The following SPOCD1 variants were observed in gnomAD, a reference collection of about 807,000 sequenced individuals.
The protein encoded by SPOCD1 is SPOC domain containing 1.
Under a neutral mutation model 92.2 loss-of-function variants are expected in SPOCD1, and 64 were observed. That is an observed-to-expected ratio of 0.69 (90% CI 0.57 to 0.86). The LOEUF (loss-of-function observed/expected upper bound fraction) is 0.86. Ranked by LOEUF, SPOCD1 falls within the 40% of genes least tolerant of loss-of-function variation. SPOCD1 has a pLI of 0.00. For missense variants in SPOCD1, 1,360 were observed against 1,543.1 expected (o/e 0.88, Z 1.99); for synonymous variants, 578 against 619.3 (o/e 0.93, Z 0.99).
chr1:31,807,425 GAA>G (rs1648907424), intron 2 of SPOCD1, among the ~76,000 whole-genome samples: 1 of 32,134 alleles, frequency 3.1e-5, no homozygotes, highest in Non-Finnish European at 6.1e-5. Context: ...GAGGGGGAGG[GAA>G]GAGAAGGGGA....
chr1:31,790,424 C>A lies in SPOCD1; in HGVS notation c.*179G>T. On this transcript the variant is annotated 3_prime_UTR_variant, in exon 16 of 16. Coordinates refer to ENST00000360482, the MANE Select transcript of SPOCD1 (RefSeq NM_144569.7). ...TCCTGACCAGCTAGCAGATGCAATC[C>A]CAATTTTACCAAATTCTTTATTGAA... is the stretch of plus-strand genomic sequence containing the variant. The A allele has an allele frequency of 1.5e-6, 1 of 653,714 alleles. No individual in the cohort carries two copies. Among genetic ancestry groups the A allele is most frequent in the Admixed American group, 3.0e-5 (1 of 33,264 alleles). The allele number at this position is 653,714 out of a possible 1,614,324, so 40.5% of individuals were successfully genotyped here. A position where few individuals can be genotyped will look rare whatever the true frequency, so the allele number is the denominator to read the frequency against.
At chr1:31,793,202 GA>G (rs957433984) in intron 13 of SPOCD1, 75 bp downstream of exon 13, 56 of 1,469,446 alleles carry the variant, frequency 3.8e-5, no homozygotes, top group Non-Finnish European at 3.7e-6. Flanking sequence ...ATGCATGAGT[GA>G]AAGAGAGAGA....
chr1:31,798,907 TGGCTCACG>T lies in SPOCD1; in HGVS notation c.1869-314_1869-307del. Reference sequence around the variant, plus strand: ...GACTCACCAGCCTGTGCCCCGTCTCTGGCTCACGGGATGTGTGGAGGGGAGGAAGCCGG... The same window carrying T: ...GACTCACCAGCCTGTGCCCCGTCTCTGGATGTGTGGAGGGGAGGAAGCCGG... On this transcript the variant is annotated intron_variant, in intron 7 of 15. Transcript: ENST00000360482. The surrounding 1 kb of genome is among the most constrained non-coding windows in gnomAD (Gnocchi z 4.1). The T allele has an allele frequency of 1.8e-6, 1 of 565,378 alleles. No homozygotes were observed. The highest frequency in any genetic ancestry group is 3.1e-6 in the Non-Finnish European group (1 of 320,442). 35.0% of individuals were successfully genotyped at this position (565,378 alleles called of 1,614,324 possible).
In SPOCD1 at chr1:31,815,342, A is replaced by G. The variant is rs1649494835; in HGVS notation, c.-9T>C. On this transcript the variant is annotated 5_prime_UTR_variant, in exon 2 of 16. Transcript: ENST00000360482. The stretch of plus-strand genomic sequence containing the variant: ...TCCCCCGCCTGGGACATGTCTGTCC[A>G]CCTACCTGGGCCAAAAGCACAACAC... 6.6e-7 allele frequency: 1 copy of G among 1,524,538 alleles called. No homozygotes were observed. Among genetic ancestry groups the G allele is most frequent in the African/African-American group, 1.4e-5 (1 of 72,198 alleles). 94.4% of individuals were successfully genotyped at this position (1,524,538 alleles called of 1,614,324 possible).
At chr1:31,796,208 T>C (rs1648006131) in intron 10 of SPOCD1, 2 of 351,372 alleles carry the variant, frequency 5.7e-6, no homozygotes, top group South Asian at 4.5e-5. Context: ...ATCCACTGAA[T>C]ACAGTGGGTC....
Position 31,793,315 on chromosome 1 carries a change from G to A in SPOCD1, c.2648C>T (p.Ala883Val), listed in dbSNP as rs1230664646. The change falls in exon 13 of 16, where the codon GCC becomes GTC. Residue 883 changes from alanine (A) to valine (V), a missense_variant. Physicochemically the swap from Ala to Val is moderately conservative, Grantham distance 64. Transcript: ENST00000360482. Reference protein sequence around the residue: ...MFSIKRFRARAQLVSGHSCRL... With the variant: ...MFSIKRFRARVQLVSGHSCRL... The stretch of plus-strand genomic sequence containing the variant: ...ACAGCTGTGTCCCGAGACCAGCTGG[G>A]CCCTGGCCCGGAACCGCTTGATGGA... 8 of 1,592,190 alleles carry A rather than the reference G, an allele frequency of 5.0e-6. No individual in the cohort carries two copies. Among genetic ancestry groups the A allele is most frequent in the Non-Finnish European group, 6.8e-6 (8 of 1,169,370 alleles).
At position 31,814,529 on chromosome 1, in the gene SPOCD1, C is replaced by T; in HGVS notation, c.805G>A (p.Gly269Arg). 1 of 1,534,006 alleles carries T rather than the reference C, an allele frequency of 6.5e-7. No individual in the cohort carries two copies. The highest frequency in any genetic ancestry group is 8.8e-7 in the Non-Finnish European group (1 of 1,138,610). Reference sequence around the variant, plus strand: ...CCTGCCCCACTTCCACCTGGCTCTCCAGGCCCAGACCCAGTGTCTTTTGGA... The same window carrying T: ...CCTGCCCCACTTCCACCTGGCTCTCTAGGCCCAGACCCAGTGTCTTTTGGA... ...PSPKDTGSGP[G>R]EPGGSGAGCA... The change falls in exon 2 of 16, where the codon GGA becomes AGA. Residue 269 changes from glycine (G) to arginine (R), a missense_variant. This residue lies in a region of SPOCD1 where 606 missense variants were observed against 601.5 expected (regional missense o/e 1.01). Coordinates refer to ENST00000360482, the MANE Select transcript of SPOCD1 (RefSeq NM_144569.7). This position sits in a 1 kb window ranked among gnomAD's most constrained non-coding sequence, Gnocchi z 4.2.
rs190953341 is a variant in SPOCD1 at position 31,803,822 on chromosome 1, A to G, written c.1384-2117T>C. On this transcript the variant is annotated intron_variant, in intron 2 of 15. Coordinates refer to ENST00000360482, the MANE Select transcript of SPOCD1 (RefSeq NM_144569.7). ...AAGGGAAAGGAAAGGAAAGGAGAAG[A>G]AGGAGGAGGAGGAGGGAAAGAAAGA... Among the ~76,000 whole-genome samples, 553 of 150,884 alleles carry G rather than the reference A, an allele frequency of 3.7e-3. 4 individuals carry two copies. The highest frequency in any genetic ancestry group is 0.013 in the African/African-American group (533 of 41,096).
At chr1:31,799,916 C>G in intron 5 of SPOCD1, 53 bp from the exon 6 acceptor site, 3 of 1,613,722 alleles carry the variant, frequency 1.9e-6, no homozygotes, top group Non-Finnish European at 2.5e-6. Context: ...TGGCTTCCAG[C>G]CCAGGGGACA....
In SPOCD1 at chr1:31,812,831, C is replaced by G. The variant is rs111507933; in HGVS notation, c.1383+1120G>C. On this transcript the variant is annotated intron_variant, in intron 2 of 15. Transcript: ENST00000360482. ...GACCGCCTAGGCTTGTAGCCTTGCT[C>G]CCATTCACCAGCTGGGTCTGTAACC... 2.8e-3 allele frequency among the ~76,000 whole-genome samples: 421 copies of G among 152,338 alleles called. 3 individuals carry two copies. Among genetic ancestry groups the G allele is most frequent in the South Asian group, 0.024 (118 of 4,826 alleles).
At position 31,798,218 on chromosome 1, in the gene SPOCD1, C is replaced by T. The variant is rs377148747; in HGVS notation, c.2134G>A (p.Glu712Lys). 2.0e-5 allele frequency: 33 copies of T among 1,613,904 alleles called. No individual in the cohort carries two copies. Among genetic ancestry groups the T allele is most frequent in the Non-Finnish European group, 2.6e-5 (31 of 1,179,948 alleles). ...GGCTCAGCACTCACCCTTTTCTCCT[C>T]CTGGTCCCGCCAGCGGGCCAGCTCC... The part of the protein sequence containing the change: ...PQELARWRDQ[E>K]EKRGLNIIEQ... Residue 712 changes from glutamate to lysine, a missense_variant, in exon 9 of 16, where the codon GAG becomes AAG. Around this residue, in one of 3 missense-constraint regions of SPOCD1, gnomAD observed 614 missense variants for 757.8 expected, o/e 0.81. Transcript: ENST00000360482. This position sits in a 1 kb window ranked among gnomAD's most constrained non-coding sequence, Gnocchi z 4.1.
At chr1:31,813,926 T>G in intron 2 of SPOCD1, 25 bp downstream of exon 2, 3 of 1,468,786 alleles carry the variant, frequency 2.0e-6, no homozygotes, top group Non-Finnish European at 1.8e-6. Context: ...GCCCTTCCTA[T>G]CCCAAACTCT....
In SPOCD1 at chr1:31,815,975, G is replaced by C. The variant is rs2124005467; in HGVS notation, c.-54C>G. 1 of 152,484 alleles carries C rather than the reference G, an allele frequency of 6.6e-6. No individual in the cohort carries two copies. Among genetic ancestry groups the C allele is most frequent in the Non-Finnish European group, 1.5e-5 (1 of 68,144 alleles). The allele number at this position is 152,484 out of a possible 1,614,324, so 9.4% of individuals were successfully genotyped here. On this transcript the variant is annotated 5_prime_UTR_variant, in exon 1 of 16. Transcript: ENST00000360482. ...GTCGCTCTCACCTGGGCTTCCCTGA[G>C]TTTTCCCTCCTGGGGTTCCACCCAC...
intron 9 of SPOCD1, among the ~76,000 whole-genome samples, chr1:31,796,987 C>A (rs1249241249): frequency 1.3e-5 from 2 of 152,204 alleles, no homozygotes; most frequent in Non-Finnish European, 2.9e-5. Flanking sequence ...CTGACGGTAC[C>A]TCATCCTTTT....
chr1:31,813,696 A>G (rs749390846), intron 2 of SPOCD1, among the ~76,000 whole-genome samples: 2 of 152,204 alleles, frequency 1.3e-5, no homozygotes, highest in African/African-American at 2.4e-5. Context: ...TCAGCTAGGA[A>G]GTGGGCAGAG....
rs1364721648 is a variant in SPOCD1 at position 31,793,782 on chromosome 1, T to A, written c.2499A>T (p.Lys833Asn). ...GTTCCGTGGGAGACAACTCCCTGGT[T>A]TTGGGCATCTCTGGAGCAGGCATAG... is the stretch of plus-strand genomic sequence containing the variant. ...QTPMPAPEMP[K>N]TRELSPTEPQ... The change falls in exon 12 of 16, where the codon AAA becomes AAT. Residue 833 changes from lysine to asparagine, a missense_variant. Around this residue, in one of 3 missense-constraint regions of SPOCD1, gnomAD observed 614 missense variants for 757.8 expected, o/e 0.81. Coordinates refer to ENST00000360482, the MANE Select transcript of SPOCD1 (RefSeq NM_144569.7). The A allele has an allele frequency of 3.1e-6, 5 of 1,614,050 alleles. No individual in the cohort carries two copies. Among genetic ancestry groups the A allele is most frequent in the Non-Finnish European group, 4.2e-6 (5 of 1,180,020 alleles).
At chr1:31,802,220 T>A (rs538208367) in intron 2 of SPOCD1, among the ~76,000 whole-genome samples, 2 of 152,206 alleles carry the variant, frequency 1.3e-5, no homozygotes, top group Non-Finnish European at 2.9e-5. Context: ...CACTTCATAC[T>A]ACGAATTCTA....
Position 31,814,263 on chromosome 1 carries a change from T to C in SPOCD1, c.1071A>G (p.Pro357=). The C allele has an allele frequency of 6.3e-7, 1 of 1,583,974 alleles. No homozygotes were observed. The highest frequency in any genetic ancestry group is 8.6e-7 in the Non-Finnish European group (1 of 1,163,270). ...VRTGSDEGQA[P]AQDQEELEAK... ...CCTCCAGCTCCTCCTGGTCCTGTGC[T>C]GGAGCCTGGCCTTCATCGCTGCCAG... Residue 357 remains proline, a synonymous_variant, in exon 2 of 16, where the codon CCA becomes CCG. Transcript: ENST00000360482. This position sits in a 1 kb window ranked among gnomAD's most constrained non-coding sequence, Gnocchi z 4.2.
At chr1:31,808,961 C>T (rs768018105) in intron 2 of SPOCD1, among the ~76,000 whole-genome samples, 18 of 152,052 alleles carry the variant, frequency 1.2e-4, no homozygotes, top group South Asian at 2.1e-4. Context: ...TTTGGGAGGC[C>T]GAGGATCACC....
Sources: allele counts gnomAD v4.1 joint callset (sites outside exome capture counted in the v4.1 genomes callset), GRCh38; gene constraint gnomAD v4.1.1; regional missense constraint gnomAD v4.1.1; non-coding constraint Gnocchi (gnomAD v3.1); transcripts MANE v1.5; gene names NCBI Gene and HGNC (gene_info 2026-07-23, HGNC 2026-07-21).